The following SLC51B variants were observed in gnomAD, a reference collection of about 807,000 sequenced individuals.
SLC51B encodes SLC51 subunit beta.
A neutral mutation model predicts 8.0 loss-of-function variants in SLC51B; 6 were observed. That is an observed-to-expected ratio of 0.75 (90% CI 0.41 to 1.48). The LOEUF is 1.48. Ranked by LOEUF, SLC51B falls within the 40% of genes most tolerant of loss-of-function variation. SLC51B has a pLI of 0.01. For missense variants in SLC51B, 150 were observed against 149.7 expected (o/e 1.00, Z -0.01); for synonymous variants, 61 against 54.8 (o/e 1.11, Z -0.50).
At chr15:65,046,465 T>C (rs546184206) in intron 1 of SLC51B, among the ~76,000 whole-genome samples, 6 of 151,562 alleles carry the variant, frequency 4.0e-5, no homozygotes, top group Non-Finnish European at 8.8e-5. Flanking sequence ...AGTGAAACTC[T>C]GTCTCAAAAA....
intron 3 of SLC51B, among the ~76,000 whole-genome samples, chr15:65,052,347 G>C (rs1317072008): frequency 6.6e-6 from 1 of 151,156 alleles, no homozygotes; most frequent in African/African-American, 2.4e-5. Flanking sequence ...AAGAACACAG[G>C]ATTCAAGAGT....
At chr15:65,048,964 C>A (rs369660595) in intron 1 of SLC51B, among the ~76,000 whole-genome samples, 6 of 142,098 alleles carry the variant, frequency 4.2e-5, no homozygotes, top group Non-Finnish European at 7.5e-5. Context: ...GAGCAGAGAT[C>A]GTGCCACTGC....
At chr15:65,048,622 T>G (rs1259313111) in intron 1 of SLC51B, among the ~76,000 whole-genome samples, 1 of 152,242 alleles carries the variant, frequency 6.6e-6, no homozygotes, top group Non-Finnish European at 1.5e-5. Flanking sequence ...ACTTCTCTTG[T>G]TTTATTTTAG....
rs746910606 is a variant in SLC51B, at chr15:65,051,550, G to A, written c.133G>A (p.Ala45Thr). ...PWNHSILALA[A>T]VVVIISMVLL... is the part of the protein sequence containing the mutation. ...GAATCATTCCATCCTTGCCCTGGCAGCTGTGGTGGTCATTATAAGCATGGT... is the reference window on the plus strand; with the variant it reads ...GAATCATTCCATCCTTGCCCTGGCAACTGTGGTGGTCATTATAAGCATGGT... The change falls in exon 3 of 4, where the codon GCT (alanine) becomes ACT (threonine). Residue 45 changes from alanine to threonine, a missense_variant. Physicochemically the swap from Ala to Thr is moderately conservative, Grantham distance 58. Coordinates refer to ENST00000334287, the MANE Select transcript of SLC51B (RefSeq NM_178859.4). 2 of 1,613,828 alleles carry A rather than the reference G, an allele frequency of 1.2e-6. No individual in the cohort carries two copies. The highest frequency in any genetic ancestry group is 1.7e-6 in the Non-Finnish European group (2 of 1,179,844).
At chr15:65,052,303 C>T (rs2086663471) in intron 3 of SLC51B, among the ~76,000 whole-genome samples, 1 of 151,404 alleles carries the variant, frequency 6.6e-6, no homozygotes. Flanking sequence ...AGTAGGATGA[C>T]AGTCCAAGGT....
chr15:65,053,396 C>T lies in SLC51B; in HGVS notation c.*232C>T. ...TCCTGGAAGGGAGCAGGTGGTATTGCATAGTTTGTTCAGATGGCAGTGGTA... is the reference window on the plus strand; with the variant it reads ...TCCTGGAAGGGAGCAGGTGGTATTGTATAGTTTGTTCAGATGGCAGTGGTA... On this transcript the variant is annotated 3_prime_UTR_variant, in exon 4 of 4. Transcript: ENST00000334287. 1.5e-6 allele frequency: 2 copies of T among 1,350,462 alleles called. No individual in the cohort carries two copies. The highest frequency in any genetic ancestry group is 1.9e-6 in the Non-Finnish European group (2 of 1,053,308). 83.7% of individuals were successfully genotyped at this position (1,350,462 alleles called of 1,614,324 possible).
chr15:65,046,182 T>C (rs948289506), intron 1 of SLC51B, among the ~76,000 whole-genome samples: 3 of 152,204 alleles, frequency 2.0e-5, no homozygotes, highest in Non-Finnish European at 4.4e-5. Flanking sequence ...GCACCTATAA[T>C]CCCAGCTACT....
chr15:65,049,051 T>C (rs893584823), intron 1 of SLC51B: 14 of 149,534 alleles, frequency 9.4e-5, no homozygotes, highest in African/African-American at 3.4e-4. Flanking sequence ...ACAATTTTAA[T>C]ATTGGCCTGA....
intron 1 of SLC51B, among the ~76,000 whole-genome samples, chr15:65,046,107 C>G (rs910616741): frequency 6.6e-6 from 1 of 152,176 alleles, no homozygotes; most frequent in African/African-American, 2.4e-5. Context: ...CCGAGACCAG[C>G]CTGGCCAATG....
At position 65,051,539 on chromosome 15, in the gene SLC51B, T is replaced by G; in HGVS notation, c.122T>G (p.Leu41Arg). The change falls in exon 3 of 4, where the codon CTT becomes CGT. Residue 41 changes from leucine (L) to arginine (R), a missense_variant. Leu to Arg is a moderately radical substitution (Grantham distance 102, BLOSUM62 -2). Coordinates refer to ENST00000334287, the MANE Select transcript of SLC51B (RefSeq NM_178859.4). ...GCATCTCCCTGGAATCATTCCATCC[T>G]TGCCCTGGCAGCTGTGGTGGTCATT... is the stretch of plus-strand genomic sequence containing the variant. ...EDASPWNHSI[L>R]ALAAVVVIIS... 6.2e-7 allele frequency: 1 copy of G among 1,613,716 alleles called. No homozygotes were observed. The highest frequency in any genetic ancestry group is 2.2e-5 in the East Asian group (1 of 44,868).
intron 2 of SLC51B, among the ~76,000 whole-genome samples, chr15:65,050,491 A>G (rs2086635972): frequency 6.6e-6 from 1 of 152,270 alleles, no homozygotes; most frequent in Non-Finnish European, 1.5e-5. Flanking sequence ...AAAAAGAAAA[A>G]TTAAACAGAG....
At chr15:65,049,463 C>A (rs1595899763) in intron 1 of SLC51B, 1 of 152,200 alleles carries the variant, frequency 6.6e-6, no homozygotes, top group African/African-American at 2.4e-5. Context: ...CGTGCCAATC[C>A]CCAGGAGAGA....
chr15:65,045,442 A>T lies in SLC51B; in HGVS notation c.-249A>T, dbSNP rs1050546625. The T allele has an allele frequency of 6.6e-6, 1 of 152,268 alleles. No homozygotes were observed. The highest frequency in any genetic ancestry group is 1.5e-5 in the Non-Finnish European group (1 of 68,076). The allele number at this position is 152,268 out of a possible 1,614,324, so 9.4% of individuals were successfully genotyped here. ...CAGGCTCTCCAGGCACTGTCCCCTA[A>T]GTGACAGCTGTTACTGCCTGGGAGA... On this transcript the variant is annotated 5_prime_UTR_variant, in exon 1 of 4. The change creates a new upstream start codon in the 5' untranslated region. Transcript: ENST00000334287.
chr15:65,050,095 G>C lies in SLC51B; in HGVS notation c.91G>C (p.Glu31Gln). ...AGAGATGCTTTGGTTTTTTCGTGTG[G>C]AAGATGGTAAGTGGTGAGAGATTGA... Reference protein sequence around the residue: ...LEEMLWFFRVEDASPWNHSIL... With the variant: ...LEEMLWFFRVQDASPWNHSIL... Residue 31 changes from glutamate (E) to glutamine (Q), a missense_variant, in exon 2 of 4, where the codon GAA (glutamate) becomes CAA (glutamine). Physicochemically the swap from Glu to Gln is conservative, Grantham distance 29. Coordinates refer to ENST00000334287, the MANE Select transcript of SLC51B (RefSeq NM_178859.4). 1 of 1,551,490 alleles carries C rather than the reference G, an allele frequency of 6.4e-7. No homozygotes were observed. Among genetic ancestry groups the C allele is most frequent in the Non-Finnish European group, 8.7e-7 (1 of 1,146,832 alleles).
chr15:65,053,287 T>C lies in SLC51B; in HGVS notation c.*123T>C, dbSNP rs2086680395. ...CCGCTTTTTTCTTTTTCTTTCTTTC[T>C]TTTTTTTTTTCTTAGCAGATACAAT... is the stretch of plus-strand genomic sequence containing the variant. On this transcript the variant is annotated 3_prime_UTR_variant, in exon 4 of 4. Transcript: ENST00000334287. 1.8e-5 allele frequency: 15 copies of C among 817,500 alleles called. No individual in the cohort carries two copies. The highest frequency in any genetic ancestry group is 2.2e-5 in the Non-Finnish European group (14 of 630,776). The allele number at this position is 817,500 out of a possible 1,614,324, so 50.6% of individuals were successfully genotyped here.
At chr15:65,052,399 C>CTTTTT (rs34021026) in intron 3 of SLC51B, among the ~76,000 whole-genome samples, 2 of 76,346 alleles carry the variant, frequency 2.6e-5, no homozygotes, top group African/African-American at 1.0e-4. Context: ...GCATCCTTGG[C>CTTTTT]TTTTTTTTTT....
Position 65,051,593 on chromosome 15 carries a change from T to C in SLC51B, c.176T>C (p.Ile59Thr). Residue 59 changes from isoleucine (I) to threonine (T), a missense_variant, in exon 3 of 4, where the codon ATC becomes ACC. Physicochemically the swap from Ile to Thr is moderately conservative, Grantham distance 89. Transcript: ENST00000334287. Reference protein sequence around the residue: ...IISMVLLGRSIQASRKEKMQP... With the variant: ...IISMVLLGRSTQASRKEKMQP... ...AGCATGGTCCTCCTGGGAAGAAGCA[T>C]CCAGGCAAGCAGGTGAGGAGCTGGT... The C allele has an allele frequency of 6.2e-7, 1 of 1,613,218 alleles. No individual in the cohort carries two copies. The highest frequency in any genetic ancestry group is 2.2e-5 in the East Asian group (1 of 44,820).
Position 65,049,945 on chromosome 15 carries a change from A to G in SLC51B, c.-60A>G. 2.9e-6 allele frequency: 4 copies of G among 1,374,426 alleles called. No individual in the cohort carries two copies. The highest frequency in any genetic ancestry group is 4.0e-6 in the Non-Finnish European group (4 of 1,000,728). The allele number at this position is 1,374,426 out of a possible 1,614,324, so 85.1% of individuals were successfully genotyped here. On this transcript the variant is annotated 5_prime_UTR_variant, in exon 2 of 4. Coordinates refer to ENST00000334287, the MANE Select transcript of SLC51B (RefSeq NM_178859.4). ...AGGGGCCAGAACCGAGGAGGCCAGG[A>G]GGGCTGCTGGGGCTAAGGGGTCTAA... is the stretch of plus-strand genomic sequence containing the variant.
intron 1 of SLC51B, among the ~76,000 whole-genome samples, chr15:65,048,824 C>A (rs1272682770): frequency 6.6e-6 from 1 of 152,110 alleles, no homozygotes; most frequent in Non-Finnish European, 1.5e-5. Flanking sequence ...GCCTGGCCAA[C>A]ATGGTGAAAC....
Sources: allele counts gnomAD v4.1 joint callset (sites outside exome capture counted in the v4.1 genomes callset), GRCh38; gene constraint gnomAD v4.1.1; transcripts MANE v1.5; gene names NCBI Gene and HGNC (gene_info 2026-07-23, HGNC 2026-07-21).